CSMD1: variants seen among roughly 807,000 people sequenced by gnomAD.
The protein encoded by CSMD1 is CUB and sushi domain-containing protein 1.
CSMD1 carries 213 observed loss-of-function variants against 417.5 expected under a neutral mutation model. The observed-to-expected ratio is 0.51, with a 90% CI of 0.46 to 0.57. The LOEUF (loss-of-function observed/expected upper bound fraction) is 0.57. Among genes scored for constraint, CSMD1 ranks in the 20% least tolerant of loss-of-function variants. The pLI is 0.00. For missense variants in CSMD1, 6,923 were observed against 4,529.7 expected (o/e 1.53, Z -15.17); for synonymous variants, 2,862 against 1,736.8 (o/e 1.65, Z -16.11).
chr8:3,438,643 C>G (rs1205643861), intron 12 of CSMD1, among the ~76,000 whole-genome samples: 1 of 152,120 alleles, frequency 6.6e-6, no homozygotes, highest in East Asian at 1.9e-4. Context: ...TAACTGTTTG[C>G]ATCTTCAATG....
At chr8:4,671,507 G>A (rs1365134873) in intron 1 of CSMD1, among the ~76,000 whole-genome samples, 2 of 152,078 alleles carry the variant, frequency 1.3e-5, no homozygotes, top group Admixed American at 6.5e-5. Flanking sequence ...CAGTGATGTC[G>A]GCAAAGTGTG....
rs753757772 is a variant in CSMD1, at chr8:2,937,106, C to A, written c.*1479G>T. 2.0e-5 allele frequency: 3 copies of A among 152,162 alleles called. No individual in the cohort carries two copies. Among genetic ancestry groups the A allele is most frequent in the Non-Finnish European group, 4.4e-5 (3 of 68,038 alleles). The allele number at this position is 152,162 out of a possible 1,614,324, so 9.4% of individuals were successfully genotyped here. A position where few individuals can be genotyped will look rare whatever the true frequency, so the allele number is the denominator to read the frequency against. ...TGAATTTGTTACATAAACTACCTCA[C>A]GGCCACATCTTCTACTTCATGTTTT... On this transcript the variant is annotated 3_prime_UTR_variant, in exon 70 of 70. Coordinates refer to ENST00000635120, the MANE Select transcript of CSMD1 (RefSeq NM_033225.6).
chr8:4,024,374 T>C (rs780494009), intron 4 of CSMD1, among the ~76,000 whole-genome samples: 1 of 152,210 alleles, frequency 6.6e-6, no homozygotes, highest in Non-Finnish European at 1.5e-5. Flanking sequence ...CATAAGAGTA[T>C]GGATACGCTG....
At chr8:4,385,012 C>T (rs1189041382) in intron 3 of CSMD1, among the ~76,000 whole-genome samples, 3 of 152,098 alleles carry the variant, frequency 2.0e-5, no homozygotes, top group South Asian at 4.2e-4. Context: ...ATGCAACCTC[C>T]GTCCCCCTGG....
intron 5 of CSMD1, among the ~76,000 whole-genome samples, chr8:3,871,902 T>G (rs1805505031): frequency 6.6e-6 from 1 of 152,178 alleles, no homozygotes; most frequent in South Asian, 2.1e-4. Context: ...GAAATAAAGA[T>G]AAAATGAATT....
chr8:4,252,185 G>A (rs1175371566), intron 3 of CSMD1, among the ~76,000 whole-genome samples: 3 of 152,040 alleles, frequency 2.0e-5, no homozygotes, highest in Non-Finnish European at 4.4e-5. Flanking sequence ...GTGGGGAGAT[G>A]GATAAAAAAG....
At chr8:3,525,334 T>C (rs1462922610) in intron 10 of CSMD1, among the ~76,000 whole-genome samples, 2 of 152,148 alleles carry the variant, frequency 1.3e-5, no homozygotes, top group Non-Finnish European at 2.9e-5. Context: ...AAGGGCAGCA[T>C]TTCAAAAGCA....
intron 41 of CSMD1, among the ~76,000 whole-genome samples, chr8:3,139,309 T>C (rs1412777263): frequency 6.6e-6 from 1 of 152,106 alleles, no homozygotes; most frequent in Admixed American, 6.5e-5. Context: ...TCCAACCTCC[T>C]ATATAGCTAA....
chr8:3,861,337 G>A (rs539912482), intron 5 of CSMD1, among the ~76,000 whole-genome samples: 1 of 152,182 alleles, frequency 6.6e-6, no homozygotes. Context: ...TAACTGCCGG[G>A]CTCCACAACT....
intron 3 of CSMD1, among the ~76,000 whole-genome samples, chr8:4,079,685 C>A (rs773936533): frequency 6.6e-6 from 1 of 152,168 alleles, no homozygotes; most frequent in Non-Finnish European, 1.5e-5. Context: ...TTAATTTATT[C>A]CTGTAGTAAA....
At chr8:4,844,700 C>A (rs530170643) in intron 1 of CSMD1, among the ~76,000 whole-genome samples, 200 of 152,290 alleles carry the variant, frequency 1.3e-3, no homozygotes, top group African/African-American at 4.6e-3. Flanking sequence ...TTATCTTAGA[C>A]TCTAAACAAC....
chr8:3,725,031 C>G (rs1802403561), intron 6 of CSMD1, among the ~76,000 whole-genome samples: 1 of 152,170 alleles, frequency 6.6e-6, no homozygotes, highest in Admixed American at 6.5e-5. Context: ...TGGGAAGAGG[C>G]CCATTAACCT....
At chr8:3,247,325 T>G (rs1220243393) in intron 26 of CSMD1, among the ~76,000 whole-genome samples, 1 of 152,156 alleles carries the variant, frequency 6.6e-6, no homozygotes, top group Admixed American at 6.5e-5. Flanking sequence ...GGACGCAGAC[T>G]CCTCCTGCTC....
chr8:4,792,314 A>C lies in CSMD1; in HGVS notation c.86-154756T>G, dbSNP rs145308335. ...AAGGTGCATGGTCCCTAAGAGTTCT[A>C]AAATTCTTAAAGTAGTCCAGTAGCA... On this transcript the variant is annotated intron_variant, in intron 1 of 69. Transcript: ENST00000635120. 2.0e-5 allele frequency among the ~76,000 whole-genome samples: 3 copies of C among 152,340 alleles called. No individual in the cohort carries two copies. In the East Asian group the frequency reaches 5.8e-4, roughly 29 times the overall value.
chr8:4,029,155 G>A (rs906660898), intron 4 of CSMD1, among the ~76,000 whole-genome samples: 5 of 152,178 alleles, frequency 3.3e-5, no homozygotes, highest in African/African-American at 1.2e-4. Context: ...AACAGGGCTA[G>A]AAGGACATAA....
chr8:4,245,554 G>A (rs527868242), intron 3 of CSMD1, among the ~76,000 whole-genome samples: 3 of 152,184 alleles, frequency 2.0e-5, no homozygotes, highest in South Asian at 2.1e-4. Context: ...TAAACATGAG[G>A]TGTGTAGAGG....
intron 6 of CSMD1, among the ~76,000 whole-genome samples, chr8:3,715,612 G>A (rs1235023849): frequency 1.3e-5 from 2 of 152,116 alleles, no homozygotes; most frequent in Admixed American, 6.6e-5. Context: ...ACACAATCTG[G>A]ACTCACTGCA....
chr8:3,835,269 A>T (rs11136671), intron 5 of CSMD1, among the ~76,000 whole-genome samples: 3 of 151,686 alleles, frequency 2.0e-5, no homozygotes, highest in African/African-American at 7.3e-5. Flanking sequence ...ACATGCACAC[A>T]TATGTTTACT....
chr8:3,348,098 T>A lies in CSMD1; in HGVS notation c.3368A>T (p.Asn1123Ile). 1 of 1,612,886 alleles carries A rather than the reference T, an allele frequency of 6.2e-7. No individual in the cohort carries two copies. Among genetic ancestry groups the A allele is most frequent in the Non-Finnish European group, 8.5e-7 (1 of 1,179,370 alleles). Residue 1123 changes from asparagine (N) to isoleucine (I), a missense_variant, in exon 22 of 70, where the codon AAT becomes ATT. Coordinates refer to ENST00000635120, the MANE Select transcript of CSMD1 (RefSeq NM_033225.6). ...GATACACTCATGGTTATTATCATAATTGGATGGAAAATTTGGAGACAGTAA... is the reference window on the plus strand; with the variant it reads ...GATACACTCATGGTTATTATCATAAATGGATGGAAAATTTGGAGACAGTAA... ...GTLLSPNFPS[N>I]YDNNHECIYK...
Sources: gnomAD v4.1 joint callset for allele counts (sites outside exome capture counted in the v4.1 genomes callset) on GRCh38, gnomAD v4.1.1 for gene constraint, MANE v1.5 for transcripts, NCBI Gene and HGNC (gene_info 2026-07-23, HGNC 2026-07-21) for gene names.